SP100: variants seen among roughly 807,000 people sequenced by gnomAD.
The protein encoded by SP100 is SP100 nuclear body protein, also known as nuclear autoantigen Sp-100.
In SP100, 84 loss-of-function variants were observed where a neutral mutation model predicts 130.0. The observed-to-expected ratio is 0.65, with a 90% CI of 0.54 to 0.77. The LOEUF (loss-of-function observed/expected upper bound fraction) is 0.77, where lower values mean the gene tolerates loss of function less well. SP100 is among the 30% of genes least tolerant of loss of function. The pLI, the probability that SP100 is intolerant of heterozygous loss-of-function variation, is 0.00. For synonymous variants in SP100, 331 were observed against 351.7 expected, an observed-to-expected ratio of 0.94 and a Z score of 0.66; for missense variants, 978 against 1,052.2, an observed-to-expected ratio of 0.93 and a Z score of 0.97.
chr2:230,437,544 C>G lies in SP100; in HGVS notation c.108-5393C>G, dbSNP rs1268716055. Among the ~76,000 whole-genome samples, 11 of 151,650 alleles carry G rather than the reference C, an allele frequency of 7.3e-5. No individual in the cohort carries two copies. The East Asian group carries it at 1.9e-3, about 27-fold the overall frequency. On this transcript the variant is annotated intron_variant, in intron 2 of 28. Coordinates refer to ENST00000340126, the MANE Select transcript of SP100 (RefSeq NM_001080391.2). ...GAGAAATATGTGTTCTCTGTTTTTT[C>G]TTTGTTTTTTTTGTTTTGTTTTGTT...
intron 8 of SP100, among the ~76,000 whole-genome samples, chr2:230,450,502 C>G (rs1329848118): frequency 1.3e-5 from 2 of 151,960 alleles, no homozygotes; most frequent in Middle Eastern, 3.2e-3. Flanking sequence ...TAACACAAAA[C>G]CTATTCTCTC....
intron 24 of SP100, among the ~76,000 whole-genome samples, chr2:230,536,501 C>A (rs1020537525): frequency 6.6e-6 from 1 of 152,172 alleles, no homozygotes; most frequent in East Asian, 1.9e-4. Context: ...CAGACCCCCA[C>A]ATAACATCAA....
intron 21 of SP100, 72 bp downstream of exon 21, chr2:230,504,362 G>GCT: frequency 1.2e-6 from 1 of 856,282 alleles, no homozygotes. Flanking sequence ...TTTAGGAGTA[G>GCT]ACACTTGCCT....
intron 2 of SP100, among the ~76,000 whole-genome samples, chr2:230,436,077 A>T (rs1033697926): frequency 6.6e-6 from 1 of 152,190 alleles, no homozygotes; most frequent in Admixed American, 6.5e-5. Flanking sequence ...AGAATAATGG[A>T]TGTTTTAAAA....
At chr2:230,538,510 A>C (rs1692038973) in intron 24 of SP100, 3 of 152,190 alleles carry the variant, frequency 2.0e-5, no homozygotes, top group African/African-American at 7.2e-5. Flanking sequence ...AGGCCACTCA[A>C]ATTCTGCCAT....
chr2:230,514,173 T>G (rs1254936535), intron 24 of SP100, among the ~76,000 whole-genome samples: 1 of 151,750 alleles, frequency 6.6e-6, no homozygotes, highest in South Asian at 2.1e-4. Flanking sequence ...AAGAAATTAG[T>G]CCTAAGAGTA....
chr2:230,477,860 G>C (rs751672351), intron 17 of SP100, among the ~76,000 whole-genome samples: 1 of 151,432 alleles, frequency 6.6e-6, no homozygotes, highest in Admixed American at 6.6e-5. Flanking sequence ...GCTTGAACCC[G>C]GGAGGCAGAG....
At chr2:230,503,749 C>A (rs1417024762) in intron 20 of SP100, among the ~76,000 whole-genome samples, 1 of 152,212 alleles carries the variant, frequency 6.6e-6, no homozygotes, top group Non-Finnish European at 1.5e-5. Flanking sequence ...AGATGCCACC[C>A]CGAAAGGTGC....
chr2:230,492,007 T>A (rs1342078772), intron 17 of SP100, among the ~76,000 whole-genome samples: 1 of 152,188 alleles, frequency 6.6e-6, no homozygotes, highest in Non-Finnish European at 1.5e-5. Context: ...TTCTAGTGAT[T>A]ACTTTTAGGA....
At chr2:230,505,506 C>T (rs1049599049) in intron 21 of SP100, among the ~76,000 whole-genome samples, 1 of 152,168 alleles carries the variant, frequency 6.6e-6, no homozygotes, top group African/African-American at 2.4e-5. Context: ...GTCTCTCTAA[C>T]CTTGAACTTC....
At chr2:230,466,594 T>A (rs1412603515) in intron 12 of SP100, among the ~76,000 whole-genome samples, 2 of 152,224 alleles carry the variant, frequency 1.3e-5, no homozygotes, top group Admixed American at 6.5e-5. Context: ...GAAGGTTTTT[T>A]ATTTTTTTAG....
At chr2:230,433,146 A>C (rs1291715579) in intron 2 of SP100, among the ~76,000 whole-genome samples, 4 of 152,144 alleles carry the variant, frequency 2.6e-5, no homozygotes, top group Non-Finnish European at 5.9e-5. Context: ...ACATTTAGAG[A>C]TGCATGATCC....
In SP100 at chr2:230,425,040, T is replaced by C. The variant is rs189699981; in HGVS notation, c.107+7375T>C. On this transcript the variant is annotated intron_variant, in intron 2 of 28. Coordinates refer to ENST00000340126, the MANE Select transcript of SP100 (RefSeq NM_001080391.2). Reference sequence around the variant, plus strand: ...TGTTATTGAGGTATAATTGTATAAATTGAAGGTGTAAAACATGATGATTTC... The same window carrying C: ...TGTTATTGAGGTATAATTGTATAAACTGAAGGTGTAAAACATGATGATTTC... 2.6e-3 allele frequency among the ~76,000 whole-genome samples: 396 copies of C among 152,306 alleles called. 3 individuals are homozygous for C. Among genetic ancestry groups the C allele is most frequent in the African/African-American group, 9.0e-3 (373 of 41,560 alleles).
intron 3 of SP100, 60 bp from the exon 4 acceptor site, chr2:230,444,118 A>C: frequency 1.9e-5 from 23 of 1,200,360 alleles, no homozygotes; most frequent in Non-Finnish European, 2.2e-5. Context: ...ATTCCTTTCT[A>C]GAGCTCTTCT....
chr2:230,515,037 T>A, intron 24 of SP100: 1 of 1,599,498 alleles, frequency 6.3e-7, no homozygotes. Flanking sequence ...ACAAAGCAGA[T>A]CCTAAGAAGC....
chr2:230,482,762 C>T (rs2065894159), intron 17 of SP100, among the ~76,000 whole-genome samples: 1 of 151,932 alleles, frequency 6.6e-6, no homozygotes, highest in Non-Finnish European at 1.5e-5. Context: ...ATCTATTCTG[C>T]ATCAATACAT....
chr2:230,508,299 C>T (rs943678632), intron 23 of SP100: 1 of 317,860 alleles, frequency 3.1e-6, no homozygotes, highest in Non-Finnish European at 5.5e-6. Flanking sequence ...AGTAAAGGAG[C>T]TAAATGCCAT....
At chr2:230,483,029 T>A (rs2065905962) in intron 17 of SP100, among the ~76,000 whole-genome samples, 1 of 152,354 alleles carries the variant, frequency 6.6e-6, no homozygotes, top group Admixed American at 6.5e-5. Context: ...ATCTCACTAT[T>A]TATTCTTTCC....
rs752435222 is a variant in SP100, at chr2:230,417,660, G to T, written c.102G>T (p.Leu34Phe). 2.5e-6 allele frequency: 4 copies of T among 1,612,250 alleles called. No homozygotes were observed. The South Asian group carries it at 4.4e-5, about 18-fold the overall frequency. The change falls in exon 2 of 29, where the codon TTG becomes TTT. Residue 34 changes from leucine to phenylalanine, a missense_variant. Physicochemically the swap from Leu to Phe is conservative, Grantham distance 22. Coordinates refer to ENST00000340126, the MANE Select transcript of SP100 (RefSeq NM_001080391.2). The part of the protein sequence containing the change: ...MNHLPAHSHD[L>F]QRMFTEDQGV... Reference sequence around the variant, plus strand: ...ATCTTCCTGCACACAGCCACGATTTGCAAAGGTGATGAATGAAGAGTTATG... The same window carrying T: ...ATCTTCCTGCACACAGCCACGATTTTCAAAGGTGATGAATGAAGAGTTATG...
Sources: allele counts gnomAD v4.1 joint callset (sites outside exome capture counted in the v4.1 genomes callset), GRCh38; gene constraint gnomAD v4.1.1; transcripts MANE v1.5; gene names NCBI Gene and HGNC (gene_info 2026-07-23, HGNC 2026-07-21).